Variants in KHDC1 observed in about 807,000 individuals in gnomAD.
KHDC1 encodes the protein KH domain containing 1, also known as KH homology domain-containing protein 1.
Under a neutral mutation model 24.7 loss-of-function variants are expected in KHDC1, and 21 were observed. The ratio of observed to expected loss-of-function variants is 0.85; its 90% confidence interval spans 0.60 to 1.23. The LOEUF is 1.23. Ranked by LOEUF, KHDC1 falls within the 50% of genes most tolerant of loss-of-function variation. The pLI, the probability that KHDC1 is intolerant of heterozygous loss-of-function variation, is 0.00. For synonymous variants in KHDC1, 98 were observed against 111.7 expected (o/e 0.88, Z 0.77); for missense variants, 274 against 298.5 (o/e 0.92, Z 0.61).
chr6:73,298,997 G>C (rs1264556910), intron 1 of KHDC1: 1 of 152,336 alleles, frequency 6.6e-6, no homozygotes, highest in Non-Finnish European at 1.5e-5. Flanking sequence ...TAGAGAGTAA[G>C]TGAATGAAGG....
intron 1 of KHDC1, among the ~76,000 whole-genome samples, chr6:73,308,465 C>T (rs1768014243): frequency 6.6e-6 from 1 of 151,934 alleles, no homozygotes; most frequent in Non-Finnish European, 1.5e-5. Flanking sequence ...CCTGCCTCAG[C>T]CTCCCAAAGT....
At chr6:73,248,821 A>G (rs1766723071) in intron 2 of KHDC1, among the ~76,000 whole-genome samples, 1 of 151,990 alleles carries the variant, frequency 6.6e-6, no homozygotes, top group Admixed American at 6.6e-5. Flanking sequence ...TGTCCTGTGG[A>G]GCTATTTGGT....
intron 2 of KHDC1, among the ~76,000 whole-genome samples, chr6:73,246,146 CA>C (rs373383410): frequency 1.5e-3 from 228 of 152,276 alleles, no homozygotes; most frequent in Non-Finnish European, 2.5e-3. Context: ...TGATATGGAG[CA>C]ACTCATCACA....
At chr6:73,292,345 A>C in intron 1 of KHDC1, 1 of 853,086 alleles carries the variant, frequency 1.2e-6, no homozygotes, top group South Asian at 1.3e-5. Context: ...AGGAGTATTT[A>C]GATACATTCT....
At chr6:73,242,337 G>C in intron 3 of KHDC1, 69 bp downstream of exon 2, 1 of 1,609,672 alleles carries the variant, frequency 6.2e-7, no homozygotes, top group South Asian at 1.1e-5. Flanking sequence ...ATGAAGGTGG[G>C]AGGGGAGAGG....
At chr6:73,301,661 T>TCA (rs1283916514) in intron 1 of KHDC1, among the ~76,000 whole-genome samples, 4 of 152,140 alleles carry the variant, frequency 2.6e-5, no homozygotes, top group Non-Finnish European at 5.9e-5. Context: ...AGACAGTGTC[T>TCA]CACTCTCTTG....
intron 2 of KHDC1, among the ~76,000 whole-genome samples, chr6:73,288,862 AG>A (rs1484020785): frequency 6.6e-6 from 1 of 151,604 alleles, no homozygotes; most frequent in Non-Finnish European, 1.5e-5. Context: ...GGGAGTGTTT[AG>A]ATAATGGAAA....
intron 1 of KHDC1, among the ~76,000 whole-genome samples, chr6:73,298,685 G>C (rs1026176646): frequency 2.6e-5 from 4 of 151,530 alleles, no homozygotes; most frequent in African/African-American, 9.7e-5. Context: ...CACCTGCCTC[G>C]GCCTTGCAAA....
intron 1 of KHDC1, among the ~76,000 whole-genome samples, chr6:73,305,247 T>C (rs1221617278): frequency 6.6e-6 from 1 of 151,574 alleles, no homozygotes; most frequent in Admixed American, 6.6e-5. Flanking sequence ...ATCTCAAAAA[T>C]ATATATATAA....
At chr6:73,280,520 T>C (rs1315498302) in intron 2 of KHDC1, among the ~76,000 whole-genome samples, 3 of 149,406 alleles carry the variant, frequency 2.0e-5, no homozygotes, top group African/African-American at 7.5e-5. Context: ...ATTTCTTTTT[T>C]TTTTTTTTTT....
chr6:73,261,182 C>T (rs141614584), intron 2 of KHDC1, among the ~76,000 whole-genome samples: 1,824 of 152,288 alleles, frequency 0.012, 29 homozygotes, highest in African/African-American at 0.041. Context: ...GTGGCTCACA[C>T]CTGTAATCCC....
chr6:73,308,902 G>A (rs1202944705), intron 1 of KHDC1, among the ~76,000 whole-genome samples: 1 of 152,138 alleles, frequency 6.6e-6, no homozygotes, highest in African/African-American at 2.4e-5. Flanking sequence ...CGCCATCTCG[G>A]CTCACTCCAA....
At chr6:73,287,668 T>C (rs1485986909) in intron 2 of KHDC1, among the ~76,000 whole-genome samples, 1 of 152,162 alleles carries the variant, frequency 6.6e-6, no homozygotes, top group African/African-American at 2.4e-5. Flanking sequence ...TCAAGTAATA[T>C]ACACTGGGAA....
At chr6:73,303,476 A>C (rs1767912191) in intron 1 of KHDC1, among the ~76,000 whole-genome samples, 1 of 152,232 alleles carries the variant, frequency 6.6e-6, no homozygotes, top group Admixed American at 6.5e-5. Flanking sequence ...TCTCCTCCAC[A>C]ATATTTAGTA....
intron 1 of KHDC1, among the ~76,000 whole-genome samples, chr6:73,295,244 C>G (rs762088285): frequency 2.4e-4 from 37 of 152,148 alleles, no homozygotes; most frequent in Admixed American, 4.6e-4. Flanking sequence ...CCTCCTTCAT[C>G]TTACACCATG....
intron 2 of KHDC1, among the ~76,000 whole-genome samples, chr6:73,283,179 A>T (rs1767446332): frequency 6.6e-6 from 1 of 152,190 alleles, no homozygotes; most frequent in Non-Finnish European, 1.5e-5. Context: ...TATAGCTCAC[A>T]TTTAATGAAG....
At chr6:73,276,712 G>A (rs1340144350) in intron 2 of KHDC1, among the ~76,000 whole-genome samples, 1 of 152,120 alleles carries the variant, frequency 6.6e-6, no homozygotes, top group Non-Finnish European at 1.5e-5. Flanking sequence ...AGTGCAGTGG[G>A]ATAAAACTGT....
At chr6:73,298,059 G>A (rs569983078) in intron 1 of KHDC1, among the ~76,000 whole-genome samples, 1 of 151,964 alleles carries the variant, frequency 6.6e-6, no homozygotes, top group African/African-American at 2.4e-5. Context: ...GGCATGGTGG[G>A]GCATGCCCGT....
chr6:73,241,664 A>T (rs755448501), exon 5 of KHDC1: 8 of 1,614,172 alleles, frequency 5.0e-6, no homozygotes, highest in Non-Finnish European at 4.2e-6. Flanking sequence ...GTGGCACACT[A>T]ATGGAGGTGA....
Sources: gnomAD v4.1 joint callset for allele counts (sites outside exome capture counted in the v4.1 genomes callset) on GRCh38, gnomAD v4.1.1 for gene constraint, MANE v1.5 for transcripts, NCBI Gene and HGNC (gene_info 2026-07-23, HGNC 2026-07-21) for gene names.